Variants in TTC28 observed in about 807,000 individuals in gnomAD.
TTC28 encodes the protein tetratricopeptide repeat protein 28.
Under a neutral mutation model 198.0 loss-of-function variants are expected in TTC28, and 61 were observed. The observed-to-expected ratio is 0.31, with a 90% CI of 0.25 to 0.38. TTC28 has a LOEUF of 0.38. Ranked by LOEUF, TTC28 falls within the 10% of genes least tolerant of loss-of-function variation. The pLI is 1.00. For synonymous variants in TTC28, 1,171 were observed against 1,297.8 expected, an observed-to-expected ratio of 0.90 and a Z score of 2.10; for missense variants, 2,678 against 3,164.0, an observed-to-expected ratio of 0.85 and a Z score of 3.69.
intron 5 of TTC28, among the ~76,000 whole-genome samples, chr22:28,260,069 G>C (rs536419113): frequency 6.6e-6 from 1 of 152,294 alleles, no homozygotes; most frequent in South Asian, 2.1e-4. Context: ...GAACACTTCA[G>C]AGAAAAGACG....
At chr22:28,276,151 A>G (rs1050104989) in intron 5 of TTC28, among the ~76,000 whole-genome samples, 2 of 151,968 alleles carry the variant, frequency 1.3e-5, no homozygotes, top group African/African-American at 4.8e-5. Flanking sequence ...AGCTGGGATC[A>G]CAGGCATGCA....
intron 2 of TTC28, among the ~76,000 whole-genome samples, chr22:28,593,162 A>T (rs572893794): frequency 2.0e-5 from 3 of 152,224 alleles, no homozygotes; most frequent in Middle Eastern, 3.4e-3. Flanking sequence ...ATGCTTCATA[A>T]TTGCAGCAGT....
At chr22:28,452,847 A>G (rs1329653222) in intron 2 of TTC28, among the ~76,000 whole-genome samples, 3 of 152,184 alleles carry the variant, frequency 2.0e-5, no homozygotes, top group Non-Finnish European at 4.4e-5. Context: ...CTACCATCTG[A>G]GTTAGGATGA....
intron 2 of TTC28, among the ~76,000 whole-genome samples, chr22:28,339,240 G>A (rs1444650629): frequency 2.6e-5 from 4 of 152,122 alleles, no homozygotes; most frequent in African/African-American, 4.8e-5. Context: ...CTCCCTGATC[G>A]TTCCTCAGGA....
At chr22:28,587,799 G>A (rs1364723239) in intron 2 of TTC28, among the ~76,000 whole-genome samples, 1 of 152,066 alleles carries the variant, frequency 6.6e-6, no homozygotes, top group Non-Finnish European at 1.5e-5. Context: ...AACCTCTAAA[G>A]TGTTGGTGAT....
intron 2 of TTC28, among the ~76,000 whole-genome samples, chr22:28,523,417 G>A (rs187315150): frequency 6.6e-6 from 1 of 152,266 alleles, no homozygotes; most frequent in Non-Finnish European, 1.5e-5. Flanking sequence ...ACAAATGGGG[G>A]TAGGGCTGGA....
At chr22:28,576,911 T>C (rs548111634) in intron 2 of TTC28, among the ~76,000 whole-genome samples, 1 of 151,810 alleles carries the variant, frequency 6.6e-6, no homozygotes, top group Non-Finnish European at 1.5e-5. Context: ...ATTTTATCTT[T>C]AAAAAAAACT....
intron 2 of TTC28, among the ~76,000 whole-genome samples, chr22:28,334,751 CT>C (rs1308035553): frequency 6.6e-6 from 1 of 152,158 alleles, no homozygotes; most frequent in Non-Finnish European, 1.5e-5. Flanking sequence ...GATATTACCC[CT>C]TTGTCAGATG....
chr22:28,191,014 G>A lies in TTC28; in HGVS notation c.934-27415C>T, dbSNP rs139622213. Among the ~76,000 whole-genome samples the A allele has an allele frequency of 3.0e-3, 463 of 152,142 alleles. 6 individuals are homozygous for A. Among genetic ancestry groups the A allele is most frequent in the African/African-American group, 0.011 (443 of 41,510 alleles). ...CCAGTGCATATGAATCTAACCCCTA[G>A]GCCTGGCAAATAACGATTTTCACAA... On this transcript the variant is annotated intron_variant, in intron 5 of 22. Transcript: ENST00000397906.
At chr22:28,347,443 C>T (rs1439656686) in intron 2 of TTC28, among the ~76,000 whole-genome samples, 1 of 152,048 alleles carries the variant, frequency 6.6e-6, no homozygotes, top group African/African-American at 2.4e-5. Context: ...TCACAGATAG[C>T]TTGAGAATGA....
intron 2 of TTC28, among the ~76,000 whole-genome samples, chr22:28,393,950 A>C (rs1950787325): frequency 6.6e-6 from 1 of 151,978 alleles, no homozygotes; most frequent in Admixed American, 6.6e-5. Flanking sequence ...TGTTTCCCAA[A>C]CTGGTCTCAA....
rs1162131929 is a variant in TTC28 at position 28,177,167 on chromosome 22, AAAAC to A, written c.934-13572_934-13569del. Among the ~76,000 whole-genome samples, 5 of 152,356 alleles carry A rather than the reference AAAAC, an allele frequency of 3.3e-5. No homozygotes were observed. In the East Asian group the frequency reaches 5.8e-4, roughly 18 times the overall value. ...ATCAAAAATATAAAAGCTCAACAAG[AAAAC>A]AAACAATTAAAAAATAACAAAATAT... On this transcript the variant is annotated intron_variant, in intron 5 of 22. Transcript: ENST00000397906.
At chr22:28,384,591 G>A (rs745516441) in intron 2 of TTC28, among the ~76,000 whole-genome samples, 3 of 152,172 alleles carry the variant, frequency 2.0e-5, no homozygotes, top group Admixed American at 6.5e-5. Context: ...CATTCAATAC[G>A]TGGTGATGAA....
At chr22:28,324,240 C>G (rs1482485088) in intron 2 of TTC28, among the ~76,000 whole-genome samples, 1 of 151,930 alleles carries the variant, frequency 6.6e-6, no homozygotes, top group African/African-American at 2.4e-5. Flanking sequence ...TCACTTGAGC[C>G]CAGGAGTTCA....
At chr22:28,532,200 C>T (rs1208618006) in intron 2 of TTC28, among the ~76,000 whole-genome samples, 2 of 151,944 alleles carry the variant, frequency 1.3e-5, no homozygotes, top group East Asian at 1.9e-4. Context: ...ATCAAATAGA[C>T]ACAATAAAAA....
intron 1 of TTC28, among the ~76,000 whole-genome samples, chr22:28,678,619 G>A (rs1319754784): frequency 2.0e-5 from 3 of 152,144 alleles, no homozygotes; most frequent in Non-Finnish European, 4.4e-5. Context: ...TGGGAGCTGA[G>A]AAAAATCATA....
intron 2 of TTC28, among the ~76,000 whole-genome samples, chr22:28,387,414 G>A (rs996954102): frequency 5.9e-5 from 9 of 152,156 alleles, no homozygotes; most frequent in Non-Finnish European, 8.8e-5. Flanking sequence ...CTGAGGAATC[G>A]CCACACTGAC....
At chr22:28,672,680 T>C (rs1316339502) in intron 1 of TTC28, among the ~76,000 whole-genome samples, 1 of 152,210 alleles carries the variant, frequency 6.6e-6, no homozygotes, top group Non-Finnish European at 1.5e-5. Context: ...TTCCACTCTT[T>C]GACTAAATAC....
chr22:28,133,165 G>A (rs538208513), intron 6 of TTC28, among the ~76,000 whole-genome samples: 20 of 152,342 alleles, frequency 1.3e-4, no homozygotes, highest in Admixed American at 5.2e-4. Flanking sequence ...GGAGGTTGCC[G>A]TGAGGTGAGA....
Sources: allele counts gnomAD v4.1 joint callset (sites outside exome capture counted in the v4.1 genomes callset), GRCh38; gene constraint gnomAD v4.1.1; transcripts MANE v1.5; gene names NCBI Gene and HGNC (gene_info 2026-07-23, HGNC 2026-07-21).